Variants in OXSR1 observed in about 807,000 individuals in gnomAD.
OXSR1 encodes oxidative stress responsive kinase 1.
OXSR1 carries 24 observed loss-of-function variants against 79.8 expected under a neutral mutation model. The observed-to-expected ratio is 0.30, with a 90% CI of 0.22 to 0.42. The LOEUF is 0.42. OXSR1 is among the 10% of genes least tolerant of loss of function. The pLI is 1.00. For missense variants in OXSR1, 430 were observed against 618.4 expected (o/e 0.70, Z 3.23); for synonymous variants, 226 against 209.2 (o/e 1.08, Z -0.69).
chr3:38,178,632 T>A (rs1342953225), intron 1 of OXSR1, among the ~76,000 whole-genome samples: 1 of 142,766 alleles, frequency 7.0e-6, no homozygotes, highest in African/African-American at 2.6e-5. Context: ...TTTTTTTTTT[T>A]TTTTTTTTTC....
At chr3:38,174,949 G>A (rs1385601360) in intron 1 of OXSR1, among the ~76,000 whole-genome samples, 2 of 152,156 alleles carry the variant, frequency 1.3e-5, no homozygotes, top group African/African-American at 4.8e-5. Flanking sequence ...TCTTTGTATG[G>A]AGAGAATAGC....
intron 3 of OXSR1, among the ~76,000 whole-genome samples, chr3:38,192,104 G>A (rs1455275906): frequency 6.6e-6 from 1 of 152,072 alleles, no homozygotes; most frequent in African/African-American, 2.4e-5. Flanking sequence ...CAGTTGGGTA[G>A]GGCCTTCACT....
At chr3:38,237,907 G>A (rs1456990531) in intron 11 of OXSR1, among the ~76,000 whole-genome samples, 2 of 152,096 alleles carry the variant, frequency 1.3e-5, no homozygotes, top group Non-Finnish European at 2.9e-5. Flanking sequence ...ATACTCTCAT[G>A]TATTGTTATA....
At chr3:38,227,790 G>A (rs137896732) in intron 8 of OXSR1, among the ~76,000 whole-genome samples, 4 of 152,166 alleles carry the variant, frequency 2.6e-5, no homozygotes, top group African/African-American at 7.2e-5. Context: ...TACTGGACAC[G>A]AAGCAAAGAC....
chr3:38,205,018 G>A (rs1242377752), intron 4 of OXSR1, among the ~76,000 whole-genome samples: 1 of 152,194 alleles, frequency 6.6e-6, no homozygotes, highest in Non-Finnish European at 1.5e-5. Flanking sequence ...ATTCCCCCTG[G>A]CTAGAGCTGG....
At chr3:38,203,321 A>G (rs1001226974) in intron 4 of OXSR1, among the ~76,000 whole-genome samples, 36 of 152,226 alleles carry the variant, frequency 2.4e-4, no homozygotes, top group Admixed American at 5.9e-4. Flanking sequence ...CTTGTATGCA[A>G]TAAATATCAG....
At chr3:38,244,020 G>A (rs28393980) in intron 12 of OXSR1, among the ~76,000 whole-genome samples, 1 of 152,174 alleles carries the variant, frequency 6.6e-6, no homozygotes, top group Non-Finnish European at 1.5e-5. Flanking sequence ...GCCCCCGCTG[G>A]CGAGAGATAG....
At chr3:38,180,488 C>A (rs906325067) in intron 1 of OXSR1, among the ~76,000 whole-genome samples, 54 of 150,634 alleles carry the variant, frequency 3.6e-4, no homozygotes, top group African/African-American at 1.3e-3. Context: ...GGCATGTGTC[C>A]GTATTTGCTC....
At chr3:38,252,429 T>C in intron 17 of OXSR1, 37 bp downstream of exon 17, 2 of 1,351,214 alleles carry the variant, frequency 1.5e-6, no homozygotes, top group Non-Finnish European at 2.1e-6. Context: ...ACATCTTGCC[T>C]TTTATACACT....
In OXSR1 at chr3:38,234,805, T is replaced by G. The variant is rs1339158095; in HGVS notation, c.952-2034T>G. Among the ~76,000 whole-genome samples, 25 of 152,242 alleles carry G rather than the reference T, an allele frequency of 1.6e-4. 1 individual carries two copies. Among genetic ancestry groups the G allele is most frequent in the Admixed American group, 1.6e-3 (25 of 15,290 alleles). Reference sequence around the variant, plus strand: ...TGTACGCTGCTCATAGCAGCATTATTCGTAATAACCAAAAAGTGTAAACAA... The same window carrying G: ...TGTACGCTGCTCATAGCAGCATTATGCGTAATAACCAAAAAGTGTAAACAA... On this transcript the variant is annotated intron_variant, in intron 10 of 17. Transcript: ENST00000311806.
intron 11 of OXSR1, among the ~76,000 whole-genome samples, chr3:38,237,446 C>T (rs1283514215): frequency 6.6e-6 from 1 of 152,142 alleles, no homozygotes; most frequent in African/African-American, 2.4e-5. Flanking sequence ...ATCACTCTTG[C>T]CTAAAAGCAC....
chr3:38,223,758 C>A, intron 6 of OXSR1, 54 bp from the exon 7 acceptor site: 1 of 1,361,084 alleles, frequency 7.3e-7, no homozygotes, highest in Non-Finnish European at 1.0e-6. Flanking sequence ...CAGAAGCTAA[C>A]TTTTAAAAGT....
chr3:38,227,545 CCA>C (rs58097834), intron 8 of OXSR1, among the ~76,000 whole-genome samples: 45,815 of 137,948 alleles, frequency 0.33, 7,227 homozygotes, highest in East Asian at 0.49. Flanking sequence ...GTATGCACAT[CCA>C]CACACACACA....
chr3:38,182,984 T>C lies in OXSR1; in HGVS notation c.71-19T>C. On this transcript the variant is annotated intron_variant, in intron 1 of 17. Coordinates refer to ENST00000311806, the MANE Select transcript of OXSR1 (RefSeq NM_005109.3). ...ATATATCCATCTACTTATTTACTCTTTTATGTATTTGTTTTTAGGGAGTGG... is the reference window on the plus strand; with the variant it reads ...ATATATCCATCTACTTATTTACTCTCTTATGTATTTGTTTTTAGGGAGTGG... 2.2e-6 allele frequency: 3 copies of C among 1,358,140 alleles called. No homozygotes were observed. The highest frequency in any genetic ancestry group is 3.1e-6 in the Non-Finnish European group (3 of 954,360). 84.1% of individuals were successfully genotyped at this position (1,358,140 alleles called of 1,614,324 possible).
chr3:38,184,158 T>C lies in OXSR1; in HGVS notation c.183+1043T>C, dbSNP rs73827637. Among the ~76,000 whole-genome samples the C allele has an allele frequency of 2.6e-3, 399 of 152,178 alleles. 3 individuals are homozygous for C. The highest frequency in any genetic ancestry group is 8.5e-3 in the African/African-American group (351 of 41,530). On this transcript the variant is annotated intron_variant, in intron 2 of 17. Coordinates refer to ENST00000311806, the MANE Select transcript of OXSR1 (RefSeq NM_005109.3). ...GTCCCAAATTGTATTTTATTTCTGG[T>C]GGTGTCTGTACTGAGTATTAGGGAA...
chr3:38,184,653 A>G (rs2125809909), intron 2 of OXSR1, among the ~76,000 whole-genome samples: 1 of 152,294 alleles, frequency 6.6e-6, no homozygotes, highest in East Asian at 1.9e-4. Flanking sequence ...TCAAAGTTTA[A>G]ATAACTTAAG....
intron 1 of OXSR1, among the ~76,000 whole-genome samples, chr3:38,179,006 A>G (rs1701730410): frequency 6.8e-6 from 1 of 147,590 alleles, no homozygotes; most frequent in African/African-American, 2.5e-5. Flanking sequence ...GTGGGACTAC[A>G]GACGTGCACC....
intron 4 of OXSR1, among the ~76,000 whole-genome samples, chr3:38,208,175 A>G (rs1702307104): frequency 6.6e-6 from 1 of 152,060 alleles, no homozygotes. Context: ...AGTGCCGGAA[A>G]AATATTCACA....
intron 10 of OXSR1, 81 bp from the exon 11 acceptor site, chr3:38,236,758 T>C: frequency 2.3e-6 from 3 of 1,285,880 alleles, no homozygotes; most frequent in Non-Finnish European, 3.2e-6. Context: ...ATTGAAGTGA[T>C]AGAAGAAGAG....
Sources: allele counts gnomAD v4.1 joint callset (sites outside exome capture counted in the v4.1 genomes callset), GRCh38; gene constraint gnomAD v4.1.1; transcripts MANE v1.5; gene names NCBI Gene and HGNC (gene_info 2026-07-23, HGNC 2026-07-21).